Variants in SUMF1 observed in about 807,000 individuals in gnomAD.
SUMF1 encodes sulfatase modifying factor 1, also known as formylglycine-generating enzyme.
A neutral mutation model predicts 47.6 loss-of-function variants in SUMF1; 48 were observed. The ratio of observed to expected loss-of-function variants is 1.01; its 90% CI spans 0.80 to 1.28. The LOEUF is 1.28. Ranked by LOEUF, SUMF1 falls within the 50% of genes most tolerant of loss-of-function variation. The pLI is 0.00. For missense variants in SUMF1, 571 were observed against 485.4 expected, an observed-to-expected ratio of 1.18 and a Z score of -1.66; for synonymous variants, 230 against 192.1, an observed-to-expected ratio of 1.20 and a Z score of -1.63.
chr3:4,063,114 T>C (rs1416561503), intron 9 of SUMF1, among the ~76,000 whole-genome samples: 1 of 152,096 alleles, frequency 6.6e-6, no homozygotes, highest in Admixed American at 6.6e-5. Flanking sequence ...TCTGAGAGAC[T>C]ACACTTTTAT....
At position 4,452,889 on chromosome 3, in the gene SUMF1, C is replaced by A; in HGVS notation, c.431G>T (p.Gly144Val). Residue 144 changes from glycine to valine, a missense_variant, in exon 2 of 9, where the codon GGC becomes GTC. Transcript: ENST00000272902. ...TEFEKFVNST[G>V]YLTEAEKFGD... The stretch of plus-strand genomic sequence containing the variant: ...CAATCCCATTACCTCTGTCAAATAG[C>A]CAGTTGAGTTCACAAACTTCTCAAA... 1 of 1,614,196 alleles carries A rather than the reference C, an allele frequency of 6.2e-7. No individual in the cohort carries two copies. The highest frequency in any genetic ancestry group is 8.5e-7 in the Non-Finnish European group (1 of 1,180,038).
chr3:4,345,631 G>A (rs1025550990), intron 8 of SUMF1, among the ~76,000 whole-genome samples: 1 of 152,062 alleles, frequency 6.6e-6, no homozygotes, highest in African/African-American at 2.4e-5. Flanking sequence ...ATCAACTAGT[G>A]CACAAAATAA....
intron 8 of SUMF1, among the ~76,000 whole-genome samples, chr3:4,075,097 TA>T (rs1692391040): frequency 6.6e-6 from 1 of 152,068 alleles, no homozygotes; most frequent in South Asian, 2.1e-4. Flanking sequence ...AAATCCTCAA[TA>T]AAATACTGGC....
chr3:4,212,992 G>A (rs576824931), intron 8 of SUMF1, among the ~76,000 whole-genome samples: 1 of 152,220 alleles, frequency 6.6e-6, no homozygotes, highest in South Asian at 2.1e-4. Flanking sequence ...CACTCTTCAG[G>A]ATATTATCCA....
chr3:4,053,843 C>A (rs1419873657), intron 9 of SUMF1, among the ~76,000 whole-genome samples: 1 of 152,064 alleles, frequency 6.6e-6, no homozygotes, highest in Non-Finnish European at 1.5e-5. Flanking sequence ...CCTTTCCAAG[C>A]AAGAGAAATG....
At chr3:4,371,308 C>T (rs1700160116) in intron 8 of SUMF1, among the ~76,000 whole-genome samples, 1 of 152,144 alleles carries the variant, frequency 6.6e-6, no homozygotes, top group South Asian at 2.1e-4. Context: ...ATTAAGATGG[C>T]TAATTACTGT....
intron 7 of SUMF1, among the ~76,000 whole-genome samples, chr3:4,384,972 A>C (rs1700625959): frequency 6.7e-6 from 1 of 149,238 alleles, no homozygotes. Flanking sequence ...TCCAACCTCC[A>C]CCTCCCAGGT....
At chr3:4,302,597 C>G (rs1359420697) in intron 8 of SUMF1, among the ~76,000 whole-genome samples, 1 of 152,160 alleles carries the variant, frequency 6.6e-6, no homozygotes, top group African/African-American at 2.4e-5. Context: ...TTGGACCCCC[C>G]TTCCCATCAT....
chr3:4,081,278 C>T (rs543766334), intron 8 of SUMF1, among the ~76,000 whole-genome samples: 1 of 152,228 alleles, frequency 6.6e-6, no homozygotes, highest in South Asian at 2.1e-4. Flanking sequence ...CTACTTTCCT[C>T]AAATCAGTGT....
chr3:4,335,228 T>C (rs778794360), intron 8 of SUMF1, among the ~76,000 whole-genome samples: 2 of 152,146 alleles, frequency 1.3e-5, no homozygotes, highest in African/African-American at 2.4e-5. Context: ...TTTCCACCTT[T>C]AAACTCTTCA....
At chr3:4,358,563 C>T (rs780845868), downstream of SUMF1, among the ~76,000 whole-genome samples, 3 of 152,076 alleles carry the variant, frequency 2.0e-5, no homozygotes, top group African/African-American at 4.8e-5. Context: ...CAGGCACAAA[C>T]CTTCTCATAA....
chr3:4,366,390 T>A (rs1699958860), intron 8 of SUMF1, among the ~76,000 whole-genome samples: 1 of 152,116 alleles, frequency 6.6e-6, no homozygotes, highest in African/African-American at 2.4e-5. Context: ...CATAGTCCCA[T>A]ATTTCTTGGA....
At chr3:4,213,415 C>T (rs948745335) in intron 8 of SUMF1, among the ~76,000 whole-genome samples, 1 of 152,110 alleles carries the variant, frequency 6.6e-6, no homozygotes, top group Non-Finnish European at 1.5e-5. Flanking sequence ...AAAGGAAGCA[C>T]TAAACATGGA....
At chr3:4,071,224 C>A (rs970739766) in intron 8 of SUMF1, among the ~76,000 whole-genome samples, 1 of 152,068 alleles carries the variant, frequency 6.6e-6, no homozygotes, top group Admixed American at 6.5e-5. Flanking sequence ...CAGCTCCCAG[C>A]GAGATCGACA....
chr3:4,379,003 G>A (rs954601382), intron 7 of SUMF1, among the ~76,000 whole-genome samples: 2 of 152,228 alleles, frequency 1.3e-5, no homozygotes, highest in African/African-American at 4.8e-5. Context: ...GACGCAAGTA[G>A]TAATGACAGT....
chr3:4,311,993 T>G (rs1449076406), intron 8 of SUMF1, among the ~76,000 whole-genome samples: 1 of 152,212 alleles, frequency 6.6e-6, no homozygotes, highest in Non-Finnish European at 1.5e-5. Flanking sequence ...ATTGTCTTCT[T>G]TTTATATAAC....
In SUMF1 at chr3:4,410,982, A is replaced by C. The variant is rs1199089183; in HGVS notation, c.841-4T>G. 1 of 1,612,624 alleles carries C rather than the reference A, an allele frequency of 6.2e-7. No homozygotes were observed. The highest frequency in any genetic ancestry group is 1.1e-5 in the South Asian group (1 of 91,048). On this transcript the variant is annotated splice_polypyrimidine_tract_variant and splice_region_variant and intron_variant, in intron 6 of 8. Transcript: ENST00000272902. ...CATTGGGAGGGAAGGCATCAACCTA[A>C]AAACAAAGACAGGAAAAATGCTGTC...
chr3:4,079,111 C>A (rs1692503434), intron 8 of SUMF1, among the ~76,000 whole-genome samples: 1 of 152,054 alleles, frequency 6.6e-6, no homozygotes, highest in Non-Finnish European at 1.5e-5. Flanking sequence ...AGCAATTTCA[C>A]CCATTTTAGC....
At chr3:4,203,765 T>G (rs1207035077) in intron 8 of SUMF1, among the ~76,000 whole-genome samples, 2 of 151,968 alleles carry the variant, frequency 1.3e-5, no homozygotes, top group African/African-American at 4.8e-5. Flanking sequence ...TGTAGGTTTT[T>G]TTTATTTGAG....
Sources: gnomAD v4.1 joint callset for allele counts (sites outside exome capture counted in the v4.1 genomes callset) on GRCh38, gnomAD v4.1.1 for gene constraint, MANE v1.5 for transcripts, NCBI Gene and HGNC (gene_info 2026-07-23, HGNC 2026-07-21) for gene names.